Variants in PLCG2 observed in about 807,000 individuals in gnomAD.
PLCG2 encodes 1-phosphatidylinositol 4,5-bisphosphate phosphodiesterase gamma-2.
A neutral mutation model predicts 175.6 loss-of-function variants in PLCG2; 69 were observed. The ratio of observed to expected loss-of-function variants is 0.39; its 90% CI spans 0.32 to 0.48. The LOEUF (loss-of-function observed/expected upper bound fraction) is 0.48, where lower values mean the gene tolerates loss of function less well. Ranked by LOEUF, PLCG2 falls within the 20% of genes least tolerant of loss-of-function variation. The pLI, the probability that PLCG2 is intolerant of heterozygous loss-of-function variation, is 0.91. For synonymous variants in PLCG2, 827 were observed against 624.0 expected (o/e 1.33, Z -4.85); for missense variants, 1,798 against 1,650.9 (o/e 1.09, Z -1.54).
intron 2 of PLCG2, among the ~76,000 whole-genome samples, chr16:81,849,233 T>A (rs79851943): frequency 0.085 from 12,945 of 152,064 alleles, 576 homozygotes; most frequent in Non-Finnish European, 0.094. Flanking sequence ...ACGTACTGCT[T>A]TAAGGAGACA....
chr16:81,901,708 A>G (rs140341432), intron 14 of PLCG2, among the ~76,000 whole-genome samples: 34 of 152,364 alleles, frequency 2.2e-4, no homozygotes, highest in African/African-American at 7.7e-4. Flanking sequence ...GAGTGTTTTC[A>G]TATCCCGTTT....
rs749195185 is a variant in PLCG2 at position 81,912,736 on chromosome 16, G to A, written c.2054+20G>A. On this transcript the variant is annotated intron_variant, in intron 19 of 32. Transcript: ENST00000564138. ...CTTCAGGTGGGTGCGAGGGTGGGAG[G>A]CACATGCTCTACAGAGGGGCTTGGC... 21 of 1,580,460 alleles carry A rather than the reference G, an allele frequency of 1.3e-5. No homozygotes were observed. The highest frequency in any genetic ancestry group is 1.7e-5 in the Non-Finnish European group (20 of 1,164,360).
chr16:81,783,612 G>C (rs1910841296), intron 1 of PLCG2, among the ~76,000 whole-genome samples: 1 of 152,124 alleles, frequency 6.6e-6, no homozygotes, highest in Non-Finnish European at 1.5e-5. Context: ...TGACCTCTTG[G>C]GATTTCAGTT....
chr16:81,938,933 G>T lies in PLCG2; in HGVS notation c.3313+18G>T. The T allele has an allele frequency of 6.9e-7, 1 of 1,452,256 alleles. No individual in the cohort carries two copies. Among genetic ancestry groups the T allele is most frequent in the Non-Finnish European group, 9.7e-7 (1 of 1,035,254 alleles). The allele number at this position is 1,452,256 out of a possible 1,614,324, so 90.0% of individuals were successfully genotyped here. On this transcript the variant is annotated intron_variant, in intron 29 of 32. Coordinates refer to ENST00000564138, the MANE Select transcript of PLCG2 (RefSeq NM_002661.5). ...GGTTGTGAGTAAGTCAGTCACCTTG[G>T]CCCCTCTGCTTTTAAACGTCCGGCC... is the stretch of plus-strand genomic sequence containing the variant.
intron 24 of PLCG2, among the ~76,000 whole-genome samples, chr16:81,930,386 C>G (rs1910450182): frequency 6.6e-6 from 1 of 152,264 alleles, no homozygotes. Context: ...GTTTTTGGCT[C>G]ATGGCTGCAT....
intron 5 of PLCG2, among the ~76,000 whole-genome samples, chr16:81,860,904 G>T (rs561147257): frequency 6.6e-6 from 1 of 152,220 alleles, no homozygotes; most frequent in Non-Finnish European, 1.5e-5. Context: ...TTGAACCCGG[G>T]AGGTGGAGGT....
chr16:81,831,485 T>C (rs1371685699), intron 2 of PLCG2, among the ~76,000 whole-genome samples: 2 of 152,236 alleles, frequency 1.3e-5, no homozygotes, highest in Non-Finnish European at 2.9e-5. Context: ...GCCACGAAAC[T>C]GGCCCTCTCT....
intron 24 of PLCG2, among the ~76,000 whole-genome samples, chr16:81,930,579 C>T (rs1910458113): frequency 6.6e-6 from 1 of 151,980 alleles, no homozygotes; most frequent in Admixed American, 6.6e-5. Flanking sequence ...CGAAACCCCT[C>T]TCTACAAAAA....
At chr16:81,830,532 T>G (rs1905217972) in intron 2 of PLCG2, among the ~76,000 whole-genome samples, 1 of 152,016 alleles carries the variant, frequency 6.6e-6, no homozygotes, top group Non-Finnish European at 1.5e-5. Context: ...GTCTTGGAAC[T>G]CCTGACCTCA....
chr16:81,879,420 G>T (rs1197162249), intron 7 of PLCG2, among the ~76,000 whole-genome samples: 2 of 152,174 alleles, frequency 1.3e-5, no homozygotes, highest in Non-Finnish European at 2.9e-5. Flanking sequence ...GGCTAAGTTT[G>T]CGGCTCTTAA....
At chr16:81,799,650 T>C (rs1018374827) in intron 2 of PLCG2, among the ~76,000 whole-genome samples, 1 of 145,706 alleles carries the variant, frequency 6.9e-6, no homozygotes, top group Non-Finnish European at 1.5e-5. Context: ...CCAGGTGCAA[T>C]GGCACCATCT....
chr16:81,834,221 G>A (rs1351410372), intron 2 of PLCG2, among the ~76,000 whole-genome samples: 1 of 152,144 alleles, frequency 6.6e-6, no homozygotes, highest in African/African-American at 2.4e-5. Context: ...AAGAGATGTT[G>A]AGGTCAACTC....
intron 1 of PLCG2, among the ~76,000 whole-genome samples, chr16:81,743,723 G>T (rs1393789517): frequency 6.6e-6 from 1 of 152,214 alleles, no homozygotes; most frequent in Non-Finnish European, 1.5e-5. Flanking sequence ...GCCTGGAGGT[G>T]AGGCCCATCC....
rs376743838 is a variant in PLCG2 at position 81,838,530 on chromosome 16, G to A, written c.194-15914G>A. Among the ~76,000 whole-genome samples the A allele has an allele frequency of 9.2e-5, 14 of 152,110 alleles. No individual in the cohort carries two copies. In the East Asian group the frequency reaches 2.1e-3, roughly 23 times the overall value. On this transcript the variant is annotated intron_variant, in intron 2 of 32. Coordinates refer to ENST00000564138, the MANE Select transcript of PLCG2 (RefSeq NM_002661.5). ...AGGAACAGAAAACCAAACGCCGCAT[G>A]TTCTCACTCATCAGTGGGAGTTGAA...
intron 2 of PLCG2, among the ~76,000 whole-genome samples, chr16:81,826,110 A>G (rs764512720): frequency 1.1e-4 from 17 of 152,136 alleles, no homozygotes; most frequent in Non-Finnish European, 1.9e-4. Context: ...TTTAAAACCT[A>G]TTCCTCCAGT....
chr16:81,775,762 C>G (rs964191307), upstream of PLCG2, among the ~76,000 whole-genome samples: 5 of 152,144 alleles, frequency 3.3e-5, no homozygotes, highest in Non-Finnish European at 1.5e-5. Context: ...TCTTTCTTAC[C>G]TATCCACTTC....
At position 81,858,335 on chromosome 16, in the gene PLCG2, C is replaced by T. The variant is rs1337238313; in HGVS notation, c.410C>T (p.Ser137Phe). ...KILHQEAMNA[S>F]TPTIIESWLR... ...TTACACCAGGAAGCGATGAATGCGT[C>T]CACGCCCACCATTATCGAGAGGTAG... The change falls in exon 4 of 33, where the codon TCC (serine) becomes TTC (phenylalanine). Residue 137 changes from serine (S) to phenylalanine (F), a missense_variant. Transcript: ENST00000564138. 6.2e-7 allele frequency: 1 copy of T among 1,613,270 alleles called. No homozygotes were observed. The highest frequency in any genetic ancestry group is 8.5e-7 in the Non-Finnish European group (1 of 1,179,198).
chr16:81,948,814 G>A (rs1007894464), intron 31 of PLCG2, among the ~76,000 whole-genome samples: 55 of 152,278 alleles, frequency 3.6e-4, no homozygotes, highest in African/African-American at 1.3e-3. Context: ...AGTGTGACAT[G>A]ACTACTGAAC....
chr16:81,859,144 G>C lies in PLCG2; in HGVS notation c.460G>C (p.Asp154His). The C allele has an allele frequency of 6.3e-7, 1 of 1,596,452 alleles. No individual in the cohort carries two copies. The highest frequency in any genetic ancestry group is 2.2e-5 in the East Asian group (1 of 44,820). ...GCTGAGAAAGCAGATATATTCTGTG[G>C]ATCAAACCAGAAGAAACAGGTAAGA... is the stretch of plus-strand genomic sequence containing the variant. ...SWLRKQIYSV[D>H]QTRRNSISLR... Residue 154 changes from aspartate (D) to histidine (H), a missense_variant, in exon 5 of 33, where the codon GAT (aspartate) becomes CAT (histidine). By Grantham distance (81) the Asp-to-His change is moderately conservative. Transcript: ENST00000564138.
Sources: gnomAD v4.1 joint callset for allele counts (sites outside exome capture counted in the v4.1 genomes callset) on GRCh38, gnomAD v4.1.1 for gene constraint, MANE v1.5 for transcripts, NCBI Gene and HGNC (gene_info 2026-07-23, HGNC 2026-07-21) for gene names.